The following RPH3A variants were observed in gnomAD, a reference collection of about 807,000 sequenced individuals.
RPH3A encodes rabphilin-3A.
In RPH3A, 48 loss-of-function variants were observed where a neutral mutation model predicts 102.2. The ratio of observed to expected loss-of-function variants is 0.47; its 90% CI spans 0.37 to 0.60. The LOEUF (loss-of-function observed/expected upper bound fraction) is 0.60. Ranked by LOEUF, RPH3A falls within the 20% of genes least tolerant of loss-of-function variation. RPH3A has a pLI of 0.00. For synonymous variants in RPH3A, 310 were observed against 324.3 expected (o/e 0.96, Z 0.47); for missense variants, 781 against 910.1 (o/e 0.86, Z 1.83).
At chr12:112,589,383 A>C (rs1245640872) in intron 1 of RPH3A, among the ~76,000 whole-genome samples, 2 of 152,124 alleles carry the variant, frequency 1.3e-5, no homozygotes, top group Non-Finnish European at 2.9e-5. Context: ...CCTGCAACAA[A>C]TAAAAACAAC....
chr12:112,858,823 C>A (rs1040297722), intron 5 of RPH3A, among the ~76,000 whole-genome samples: 1 of 152,174 alleles, frequency 6.6e-6, no homozygotes, highest in Non-Finnish European at 1.5e-5. Flanking sequence ...CAGAGGCCAT[C>A]CATTGGTGCC....
intron 1 of RPH3A, among the ~76,000 whole-genome samples, chr12:112,698,682 C>T (rs2040369170): frequency 6.6e-6 from 1 of 152,226 alleles, no homozygotes; most frequent in African/African-American, 2.4e-5. Context: ...TATATTCCCA[C>T]TGAGATGGCT....
chr12:112,867,425 CGT>C (rs1267783772), intron 7 of RPH3A, among the ~76,000 whole-genome samples: 4 of 152,074 alleles, frequency 2.6e-5, no homozygotes, highest in Non-Finnish European at 4.4e-5. Flanking sequence ...CCTTTGAAAC[CGT>C]GTTTCAATAA....
rs540087508 is a variant in RPH3A at position 112,759,218 on chromosome 12, TTG to T, written c.-139-32917_-139-32916del. ...TCTTGAATCCTCCATTCGTGTGTGT[TTG>T]TGTGTGTTTGTGTGTGTGTGTGTAT... On this transcript the variant is annotated intron_variant, in intron 1 of 21. Transcript: ENST00000543106. Among the ~76,000 whole-genome samples, 519 of 150,154 alleles carry T rather than the reference TTG, an allele frequency of 3.5e-3. 4 individuals are homozygous for T. Among genetic ancestry groups the T allele is most frequent in the African/African-American group, 0.012 (486 of 39,670 alleles).
intron 1 of RPH3A, among the ~76,000 whole-genome samples, chr12:112,746,436 G>A (rs968749864): frequency 6.6e-6 from 1 of 151,990 alleles, no homozygotes; most frequent in Non-Finnish European, 1.5e-5. Context: ...TACCCACCCT[G>A]CCCTCCATCA....
chr12:112,763,957 A>G (rs1488673279), intron 1 of RPH3A, among the ~76,000 whole-genome samples: 1 of 152,176 alleles, frequency 6.6e-6, no homozygotes, highest in Non-Finnish European at 1.5e-5. Flanking sequence ...TCCTGTTATC[A>G]TGGGGGAGGA....
chr12:112,636,960 C>G (rs2039853090), intron 1 of RPH3A, among the ~76,000 whole-genome samples: 1 of 152,162 alleles, frequency 6.6e-6, no homozygotes, highest in African/African-American at 2.4e-5. Flanking sequence ...GAAGTAATGC[C>G]TATGGGGCTC....
At position 112,596,528 on chromosome 12, in the gene RPH3A, G is replaced by A. The variant is rs138238021; in HGVS notation, c.-140+21209G>A. ...TGCAGTAATGCCTTCATTGTAAATC[G>A]GGTGACTGGATGTGTGTGGCTCCAC... On this transcript the variant is annotated intron_variant, in intron 1 of 21. Transcript: ENST00000543106. Among the ~76,000 whole-genome samples, 825 of 152,086 alleles carry A rather than the reference G, an allele frequency of 5.4e-3. 7 individuals are homozygous for A. Among genetic ancestry groups the A allele is most frequent in the African/African-American group, 0.018 (749 of 41,482 alleles).
At chr12:112,846,426 A>G (rs2042229604) in intron 4 of RPH3A, among the ~76,000 whole-genome samples, 1 of 152,190 alleles carries the variant, frequency 6.6e-6, no homozygotes, top group South Asian at 2.1e-4. Context: ...TTCTGGAAAC[A>G]AGACTTGCCC....
At chr12:112,893,474 C>T (rs1385929115) in intron 19 of RPH3A, 1 of 152,118 alleles carries the variant, frequency 6.6e-6, no homozygotes, top group African/African-American at 2.4e-5. Flanking sequence ...AGTGTTTAGC[C>T]CATTGTGTTT....
intron 2 of RPH3A, among the ~76,000 whole-genome samples, chr12:112,814,977 T>C (rs191596203): frequency 7.9e-5 from 12 of 152,312 alleles, no homozygotes; most frequent in African/African-American, 2.9e-4. Flanking sequence ...TTAACGTCTC[T>C]AGGCTTGGAG....
chr12:112,738,871 T>C (rs947170226), intron 1 of RPH3A, among the ~76,000 whole-genome samples: 3 of 151,964 alleles, frequency 2.0e-5, no homozygotes, highest in Admixed American at 2.0e-4. Flanking sequence ...GCCCTGGGAG[T>C]TGGGTTTGTT....
intron 12 of RPH3A, 100 bp downstream of exon 12, chr12:112,875,841 C>T: frequency 1.0e-6 from 1 of 974,762 alleles, no homozygotes. Context: ...CAGCCTGCAC[C>T]CTGAGACCTG....
At chr12:112,650,034 A>G (rs1026328852) in intron 1 of RPH3A, among the ~76,000 whole-genome samples, 2 of 152,236 alleles carry the variant, frequency 1.3e-5, no homozygotes, top group Non-Finnish European at 2.9e-5. Context: ...TTTGGGAGGT[A>G]CAGTCAGTCA....
At chr12:112,616,345 C>T (rs2135977447) in intron 1 of RPH3A, among the ~76,000 whole-genome samples, 1 of 152,194 alleles carries the variant, frequency 6.6e-6, no homozygotes, top group South Asian at 2.1e-4. Flanking sequence ...CGGGGTTTTG[C>T]CATGTTGGCC....
At position 112,895,779 on chromosome 12, in the gene RPH3A, G is replaced by A; in HGVS notation, c.1860G>A (p.Glu620=). Residue 620 remains glutamate, a splice_region_variant and synonymous_variant, in exon 21 of 22, where the codon GAG becomes GAA. Transcript: ENST00000389385. The stretch of plus-strand genomic sequence containing the variant: ...ATGTCTTCCTCTGTTGTATTCAGGA[G>A]TTTTTCTATGACATCAAACACAGTG... ...KKTLNPEFNE[E]FFYDIKHSDL... The A allele has an allele frequency of 6.2e-7, 1 of 1,612,492 alleles. No individual in the cohort carries two copies. The highest frequency in any genetic ancestry group is 8.5e-7 in the Non-Finnish European group (1 of 1,178,566).
chr12:112,667,264 CT>C (rs1225613404), intron 1 of RPH3A, among the ~76,000 whole-genome samples: 1 of 152,214 alleles, frequency 6.6e-6, no homozygotes, highest in Admixed American at 6.5e-5. Flanking sequence ...AACTTCTACC[CT>C]GTGGTGCCAA....
intron 3 of RPH3A, chr12:112,831,881 G>A (rs1271032082): frequency 2.2e-6 from 1 of 455,054 alleles, no homozygotes; most frequent in East Asian, 7.0e-5. Context: ...ATGTTCTGTA[G>A]TATGATGTGC....
chr12:112,653,330 A>G (rs925198411), intron 1 of RPH3A, among the ~76,000 whole-genome samples: 1 of 151,022 alleles, frequency 6.6e-6, no homozygotes, highest in Admixed American at 6.6e-5. Context: ...AGATCATGCC[A>G]CTGCACTCCA....
Sources: gnomAD v4.1 joint callset for allele counts (sites outside exome capture counted in the v4.1 genomes callset) on GRCh38, gnomAD v4.1.1 for gene constraint, MANE v1.5 for transcripts, NCBI Gene and HGNC (gene_info 2026-07-23, HGNC 2026-07-21) for gene names.